DCC: variants seen among roughly 807,000 people sequenced by gnomAD.
The protein encoded by DCC is DCC netrin 1 receptor.
DCC carries 58 observed loss-of-function variants against 172.5 expected under a neutral mutation model. The ratio of observed to expected loss-of-function variants is 0.34; its 90% CI spans 0.27 to 0.42. DCC has a LOEUF of 0.42. Ranked by LOEUF, DCC falls within the 10% of genes least tolerant of loss-of-function variation. DCC has a pLI of 1.00. For missense variants in DCC, 1,740 were observed against 1,791.0 expected (o/e 0.97, Z 0.51); for synonymous variants, 709 against 644.5 (o/e 1.10, Z -1.52).
chr18:52,889,168 T>A (rs913178764), intron 2 of DCC, among the ~76,000 whole-genome samples: 9 of 152,038 alleles, frequency 5.9e-5, no homozygotes, highest in African/African-American at 2.2e-4. Context: ...GGAGATGGGG[T>A]AAAAATCTTT....
intron 12 of DCC, among the ~76,000 whole-genome samples, chr18:53,304,959 G>T (rs1007059021): frequency 9.9e-5 from 15 of 152,134 alleles, no homozygotes; most frequent in African/African-American, 2.9e-4. Flanking sequence ...AATCATGGGG[G>T]CAGGTCTTTC....
At chr18:52,912,805 T>C (rs1360542092) in intron 3 of DCC, among the ~76,000 whole-genome samples, 1 of 152,004 alleles carries the variant, frequency 6.6e-6, no homozygotes, top group Non-Finnish European at 1.5e-5. Flanking sequence ...TCTCATTTAT[T>C]ATTTCACTCC....
chr18:53,111,768 G>A (rs2043336226), intron 7 of DCC, among the ~76,000 whole-genome samples: 2 of 151,630 alleles, frequency 1.3e-5, no homozygotes, highest in Admixed American at 1.3e-4. Flanking sequence ...TTGAATAACT[G>A]CATATGCAAT....
intron 1 of DCC, among the ~76,000 whole-genome samples, chr18:52,476,439 T>C (rs1989096714): frequency 6.6e-6 from 1 of 152,208 alleles, no homozygotes; most frequent in Non-Finnish European, 1.5e-5. Context: ...GTAATTTTTC[T>C]TTTATTCATT....
chr18:52,602,400 A>AGTGTGTGTGTGT (rs71175506), intron 1 of DCC, among the ~76,000 whole-genome samples: 51,733 of 148,454 alleles, frequency 0.35, 9,630 homozygotes, highest in Middle Eastern at 0.48. Context: ...TTAGTATCAA[A>AGTGTGTGTGTGT]GTGTGTGTGT....
intron 27 of DCC, among the ~76,000 whole-genome samples, chr18:53,501,088 A>C (rs564773464): frequency 1.3e-5 from 2 of 152,282 alleles, no homozygotes; most frequent in Admixed American, 6.5e-5. Context: ...AGCACAACCC[A>C]AGGAAACAGA....
intron 2 of DCC, among the ~76,000 whole-genome samples, chr18:52,848,231 T>C (rs112426675): frequency 0.027 from 4,057 of 151,998 alleles, 164 homozygotes; most frequent in African/African-American, 0.089. Context: ...ATAACAGGCA[T>C]CTGCCACCAT....
intron 1 of DCC, among the ~76,000 whole-genome samples, chr18:52,438,445 A>G (rs1380937964): frequency 2.0e-5 from 3 of 152,214 alleles, no homozygotes; most frequent in Non-Finnish European, 2.9e-5. Flanking sequence ...ACCATGAAAG[A>G]AGTTTATTAA....
At chr18:52,632,820 G>T (rs555161071) in intron 1 of DCC, among the ~76,000 whole-genome samples, 1 of 152,230 alleles carries the variant, frequency 6.6e-6, no homozygotes, top group South Asian at 2.1e-4. Flanking sequence ...GCATCTGATT[G>T]ATTGCACTTC....
chr18:52,713,877 C>A (rs1371040444), intron 1 of DCC, among the ~76,000 whole-genome samples: 2 of 152,110 alleles, frequency 1.3e-5, no homozygotes, highest in East Asian at 3.9e-4. Context: ...TGTGTCAGGG[C>A]AGACCAAAAG....
At chr18:52,757,568 G>A (rs2037095820) in intron 2 of DCC, among the ~76,000 whole-genome samples, 1 of 151,990 alleles carries the variant, frequency 6.6e-6, no homozygotes, top group African/African-American at 2.4e-5. Flanking sequence ...AGCCTAAGTG[G>A]TACTTCTGCT....
chr18:53,507,618 T>C (rs929787347), intron 27 of DCC, among the ~76,000 whole-genome samples: 1 of 152,220 alleles, frequency 6.6e-6, no homozygotes, highest in Admixed American at 6.5e-5. Flanking sequence ...CTTTATCTTC[T>C]GTGGTAAAAG....
intron 2 of DCC, among the ~76,000 whole-genome samples, chr18:52,764,790 C>T (rs1234753964): frequency 4.6e-5 from 7 of 152,172 alleles, no homozygotes; most frequent in Non-Finnish European, 1.0e-4. Flanking sequence ...TTTCCATGTA[C>T]TGATTTGTGT....
At chr18:52,359,090 T>C (rs1223605227) in intron 1 of DCC, among the ~76,000 whole-genome samples, 1 of 152,190 alleles carries the variant, frequency 6.6e-6, no homozygotes, top group Non-Finnish European at 1.5e-5. Context: ...AGATGTTGCA[T>C]TTCCTATTCC....
chr18:53,131,391 T>C (rs144619469), intron 7 of DCC, among the ~76,000 whole-genome samples: 15 of 152,194 alleles, frequency 9.9e-5, no homozygotes, highest in African/African-American at 3.1e-4. Flanking sequence ...CATTTTTAGA[T>C]CAAATCTTGG....
Position 53,377,352 on chromosome 18 carries a change from T to TGAGAGAGAGAGAGAGAGA in DCC, c.2360-8671_2360-8654dup, listed in dbSNP as rs59629030. Among the ~76,000 whole-genome samples, 385 of 137,312 alleles carry TGAGAGAGAGAGAGAGAGA rather than the reference T, an allele frequency of 2.8e-3. 4 individuals are homozygous for TGAGAGAGAGAGAGAGAGA. Among genetic ancestry groups the TGAGAGAGAGAGAGAGAGA allele is most frequent in the African/African-American group, 5.6e-3 (206 of 36,662 alleles). 90.1% of individuals were successfully genotyped at this position (137,312 alleles called of 152,430 possible). On this transcript the variant is annotated intron_variant, in intron 15 of 28. Coordinates refer to ENST00000442544, the MANE Select transcript of DCC (RefSeq NM_005215.4). ...GCAGAAGGACAAGAAAAGATGCATTTGAGAGAGAGAGAGAGAGAGAGAGAG... is the reference window on the plus strand; with the variant it reads ...GCAGAAGGACAAGAAAAGATGCATTTGAGAGAGAGAGAGAGAGAGAGAGAGAGAGAGAGAGAGAGAGAG...
intron 9 of DCC, among the ~76,000 whole-genome samples, chr18:53,190,458 CTGTGTGTGTGTGTGTGTGT>C (rs1192214539): frequency 1.7e-4 from 25 of 146,262 alleles, no homozygotes; most frequent in African/African-American, 3.3e-4. Flanking sequence ...ACTGCTAACT[CTGTGTGTGTGTGTGTGTGT>C]GTGTGTGTGT....
At chr18:53,203,790 A>C (rs925322864) in intron 9 of DCC, among the ~76,000 whole-genome samples, 1 of 152,236 alleles carries the variant, frequency 6.6e-6, no homozygotes, top group African/African-American at 2.4e-5. Context: ...ATACACAGAC[A>C]ACATTATTAA....
At chr18:53,431,952 A>G (rs771007479) in intron 21 of DCC, among the ~76,000 whole-genome samples, 1 of 152,208 alleles carries the variant, frequency 6.6e-6, no homozygotes, top group African/African-American at 2.4e-5. Context: ...TTGAATTTCC[A>G]TAAATCCATT....
Sources: allele counts gnomAD v4.1 joint callset (sites outside exome capture counted in the v4.1 genomes callset), GRCh38; gene constraint gnomAD v4.1.1; transcripts MANE v1.5; gene names NCBI Gene and HGNC (gene_info 2026-07-23, HGNC 2026-07-21).